Variants in SHISA6 observed in about 807,000 individuals in gnomAD.
SHISA6 encodes shisa family member 6, also known as protein shisa-6.
SHISA6 carries 22 observed loss-of-function variants against 47.9 expected under a neutral mutation model. The ratio of observed to expected loss-of-function variants is 0.46; its 90% CI spans 0.33 to 0.66. SHISA6 has a LOEUF of 0.66. Ranked by LOEUF, SHISA6 falls within the 30% of genes least tolerant of loss-of-function variation. The pLI, the probability that SHISA6 is intolerant of heterozygous loss-of-function variation, is 0.02. For synonymous variants in SHISA6, 388 were observed against 337.8 expected, an observed-to-expected ratio of 1.15 and a Z score of -1.63; for missense variants, 680 against 764.6, an observed-to-expected ratio of 0.89 and a Z score of 1.30.
intron 3 of SHISA6, among the ~76,000 whole-genome samples, chr17:11,529,826 C>G (rs929446379): frequency 3.3e-5 from 5 of 151,830 alleles, no homozygotes; most frequent in Admixed American, 6.6e-5. Flanking sequence ...AATTAATTAC[C>G]CTAATAGGGG....
At chr17:11,420,998 A>G (rs1260209584) in intron 3 of SHISA6, among the ~76,000 whole-genome samples, 4 of 152,306 alleles carry the variant, frequency 2.6e-5, no homozygotes, top group African/African-American at 4.8e-5. Flanking sequence ...TGGCCTATTC[A>G]GGAGACACAG....
At chr17:11,275,192 G>A (rs1311055340) in intron 2 of SHISA6, among the ~76,000 whole-genome samples, 1 of 151,748 alleles carries the variant, frequency 6.6e-6, no homozygotes, top group East Asian at 1.9e-4. Flanking sequence ...TGTCCCTGGT[G>A]GGGTGGAAGA....
chr17:11,279,171 G>A (rs1031496404), intron 2 of SHISA6, among the ~76,000 whole-genome samples: 4 of 152,154 alleles, frequency 2.6e-5, no homozygotes, highest in Non-Finnish European at 5.9e-5. Flanking sequence ...AGGGCTTGCA[G>A]GTCTTCCTCG....
intron 2 of SHISA6, among the ~76,000 whole-genome samples, chr17:11,350,185 T>TTATTTTTA (rs1911833125): frequency 5.1e-5 from 6 of 118,484 alleles, no homozygotes; most frequent in African/African-American, 2.0e-4. Flanking sequence ...TTTATTTATT[T>TTATTTTTA]TTTTTTTTTT....
intron 3 of SHISA6, among the ~76,000 whole-genome samples, chr17:11,514,771 A>G (rs900905497): frequency 6.6e-6 from 1 of 152,234 alleles, no homozygotes; most frequent in African/African-American, 2.4e-5. Context: ...CGGGTGACCA[A>G]TGCCAGGAGG....
chr17:11,309,522 C>G (rs998788126), intron 2 of SHISA6, among the ~76,000 whole-genome samples: 4 of 152,110 alleles, frequency 2.6e-5, no homozygotes, highest in African/African-American at 9.7e-5. Context: ...CCTGCTTTTC[C>G]TTTTTTGTTC....
At chr17:11,513,781 G>A (rs752248199) in intron 3 of SHISA6, among the ~76,000 whole-genome samples, 18 of 152,302 alleles carry the variant, frequency 1.2e-4, no homozygotes, top group Middle Eastern at 3.4e-3. Flanking sequence ...TTAGTGCCCT[G>A]GAGCTGATCC....
intron 3 of SHISA6, among the ~76,000 whole-genome samples, chr17:11,491,974 T>C (rs911339838): frequency 3.9e-5 from 6 of 152,110 alleles, no homozygotes; most frequent in African/African-American, 1.4e-4. Context: ...TTTCTCCATG[T>C]TGGTCAGGAT....
chr17:11,246,339 A>C (rs1326365924), intron 1 of SHISA6, among the ~76,000 whole-genome samples: 1 of 152,044 alleles, frequency 6.6e-6, no homozygotes, highest in Non-Finnish European at 1.5e-5. Context: ...AAACACAAAA[A>C]GTTAGCCGGG....
intron 3 of SHISA6, among the ~76,000 whole-genome samples, chr17:11,430,520 A>G (rs2943039): frequency 0.49 from 73,722 of 151,852 alleles, 18,838 homozygotes; most frequent in African/African-American, 0.65. Flanking sequence ...GGGGGTTTGG[A>G]GGTGTTTGTT....
chr17:11,406,954 C>T (rs892531405), intron 3 of SHISA6, among the ~76,000 whole-genome samples: 9 of 152,038 alleles, frequency 5.9e-5, no homozygotes, highest in Admixed American at 3.3e-4. Flanking sequence ...GGTTCTGGAA[C>T]GATCCTGCTG....
intron 2 of SHISA6, among the ~76,000 whole-genome samples, chr17:11,319,496 T>G (rs570140842): frequency 6.6e-6 from 1 of 152,370 alleles, no homozygotes; most frequent in Non-Finnish European, 1.5e-5. Flanking sequence ...GTTCACTCTA[T>G]CTTCAGGGAT....
chr17:11,533,276 C>T (rs745903041), intron 3 of SHISA6, among the ~76,000 whole-genome samples: 73 of 152,176 alleles, frequency 4.8e-4, no homozygotes, highest in Non-Finnish European at 1.3e-4. Flanking sequence ...CATTTCCCTT[C>T]TTCACTCCAA....
intron 3 of SHISA6, among the ~76,000 whole-genome samples, chr17:11,394,285 T>G (rs1344670090): frequency 6.6e-6 from 1 of 152,202 alleles, no homozygotes; most frequent in Non-Finnish European, 1.5e-5. Context: ...AAATGTAGTA[T>G]TAGAAAATTG....
At chr17:11,381,852 G>A (rs754484339) in intron 3 of SHISA6, among the ~76,000 whole-genome samples, 3 of 152,114 alleles carry the variant, frequency 2.0e-5, no homozygotes, top group Non-Finnish European at 2.9e-5. Flanking sequence ...CCTCCTGTGC[G>A]TGCATTGCTT....
At chr17:11,530,708 G>T (rs1286553137) in intron 3 of SHISA6, among the ~76,000 whole-genome samples, 2 of 152,198 alleles carry the variant, frequency 1.3e-5, no homozygotes, top group Non-Finnish European at 2.9e-5. Flanking sequence ...CATGTCTGTT[G>T]TCAAGGTTAG....
intron 2 of SHISA6, among the ~76,000 whole-genome samples, chr17:11,373,856 G>T (rs1195218826): frequency 2.0e-5 from 3 of 152,166 alleles, no homozygotes; most frequent in African/African-American, 4.8e-5. Context: ...AAACAATATT[G>T]CAGTGAACAT....
chr17:11,468,882 A>G (rs1446106024), intron 3 of SHISA6, among the ~76,000 whole-genome samples: 4 of 151,736 alleles, frequency 2.6e-5, no homozygotes, highest in Non-Finnish European at 4.4e-5. Flanking sequence ...TTAGCCAGAC[A>G]TGGTGGCACG....
At chr17:11,267,103 T>C (rs1908452525) in intron 2 of SHISA6, among the ~76,000 whole-genome samples, 1 of 152,214 alleles carries the variant, frequency 6.6e-6, no homozygotes, top group Non-Finnish European at 1.5e-5. Flanking sequence ...AAAAATCCTG[T>C]CCCCTTCTAT....
Sources: allele counts gnomAD v4.1 joint callset (sites outside exome capture counted in the v4.1 genomes callset), GRCh38; gene constraint gnomAD v4.1.1; transcripts MANE v1.5; gene names NCBI Gene and HGNC (gene_info 2026-07-23, HGNC 2026-07-21).